MAGI1: variants seen among roughly 807,000 people sequenced by gnomAD.
MAGI1 encodes membrane associated guanylate kinase, WW and PDZ domain containing 1.
In MAGI1, 58 loss-of-function variants were observed where a neutral mutation model predicts 139.9. That is an observed-to-expected ratio of 0.41 (90% CI 0.34 to 0.52). MAGI1 has a LOEUF of 0.52. Among genes scored for constraint, MAGI1 ranks in the 20% least tolerant of loss-of-function variants. MAGI1 has a pLI of 0.12. For missense variants in MAGI1, 1,874 were observed against 1,901.6 expected, an observed-to-expected ratio of 0.99 and a Z score of 0.27; for synonymous variants, 812 against 737.9, an observed-to-expected ratio of 1.10 and a Z score of -1.63.
intron 2 of MAGI1, among the ~76,000 whole-genome samples, chr3:65,543,711 T>G (rs1039271183): frequency 6.6e-6 from 1 of 150,804 alleles, no homozygotes. Flanking sequence ...TGAGAATACA[T>G]GGACACAGAG....
intron 1 of MAGI1, among the ~76,000 whole-genome samples, chr3:65,631,307 T>C (rs1272389791): frequency 2.6e-5 from 4 of 152,236 alleles, no homozygotes; most frequent in Admixed American, 2.6e-4. Context: ...CTATTAGGTA[T>C]CTTTTAAGTG....
intron 5 of MAGI1, among the ~76,000 whole-genome samples, chr3:65,469,312 ATTT>A (rs1242755531): frequency 6.6e-6 from 1 of 152,008 alleles, no homozygotes. Context: ...AATCTGTGGT[ATTT>A]TTTTTAAATT....
At chr3:65,652,578 T>C (rs1034285568) in intron 1 of MAGI1, among the ~76,000 whole-genome samples, 1 of 152,220 alleles carries the variant, frequency 6.6e-6, no homozygotes, top group Non-Finnish European at 1.5e-5. Flanking sequence ...TGAGAGCTAC[T>C]GCTTTAACTT....
intron 2 of MAGI1, among the ~76,000 whole-genome samples, chr3:65,621,714 A>G (rs2222583): frequency 0.031 from 4,665 of 152,278 alleles, 101 homozygotes; most frequent in Middle Eastern, 0.075. Flanking sequence ...AGTATTACTA[A>G]CACGTCCTTT....
At chr3:65,957,718 C>G (rs2064204776) in intron 1 of MAGI1, among the ~76,000 whole-genome samples, 1 of 151,884 alleles carries the variant, frequency 6.6e-6, no homozygotes, top group African/African-American at 2.4e-5. Context: ...GCGAGCCTAC[C>G]CGGGGGCTTC....
At chr3:65,509,230 A>G (rs1447906549) in intron 2 of MAGI1, among the ~76,000 whole-genome samples, 4 of 152,216 alleles carry the variant, frequency 2.6e-5, no homozygotes, top group South Asian at 2.1e-4. Flanking sequence ...ATGAAGCAGT[A>G]GGGAAATCCA....
intron 3 of MAGI1, among the ~76,000 whole-genome samples, chr3:65,485,924 C>A (rs1951598538): frequency 6.6e-6 from 1 of 152,148 alleles, no homozygotes; most frequent in Non-Finnish European, 1.5e-5. Context: ...CAGCTCCCCC[C>A]ATCTTCATAA....
chr3:65,619,477 T>A (rs2083554761), intron 2 of MAGI1, among the ~76,000 whole-genome samples: 1 of 152,176 alleles, frequency 6.6e-6, no homozygotes, highest in Non-Finnish European at 1.5e-5. Flanking sequence ...CAAGCACCTG[T>A]TCATGAGGTC....
intron 12 of MAGI1, among the ~76,000 whole-genome samples, chr3:65,416,210 C>T (rs1440074517): frequency 1.3e-5 from 2 of 152,164 alleles, no homozygotes; most frequent in Non-Finnish European, 2.9e-5. Context: ...CTTTTGCATA[C>T]CGATTGCAAA....
chr3:65,379,543 C>T lies in MAGI1; in HGVS notation c.2713G>A (p.Glu905Lys). ...GAGGCTGGCGAGGGCACCTCGTTCT[C>T]GGTTTTGGGCACTGTAGCAGAGAGA... ...RKVVFAVPKT[E>K]NEVPSPASSH... The change falls in exon 17 of 23, where the codon GAG becomes AAG. Residue 905 changes from glutamate (E) to lysine (K), a missense_variant. Around this residue, in one of 5 missense-constraint regions of MAGI1, gnomAD observed 482 missense variants for 509.6 expected, o/e 0.95. Transcript: ENST00000402939. The T allele has an allele frequency of 2.5e-6, 4 of 1,608,774 alleles. No individual in the cohort carries two copies. The highest frequency in any genetic ancestry group is 3.4e-6 in the Non-Finnish European group (4 of 1,175,796).
chr3:65,624,720 G>A (rs1234833202), intron 1 of MAGI1, among the ~76,000 whole-genome samples: 1 of 152,126 alleles, frequency 6.6e-6, no homozygotes, highest in South Asian at 2.1e-4. Context: ...TGAGAAAACA[G>A]GGTGAAGGAC....
intron 2 of MAGI1, among the ~76,000 whole-genome samples, chr3:65,601,593 G>C (rs556682559): frequency 1.3e-5 from 2 of 152,090 alleles, no homozygotes; most frequent in East Asian, 3.9e-4. Flanking sequence ...AAAGAATGAA[G>C]TTGGACCCCC....
chr3:66,020,726 C>T (rs552667518), intron 1 of MAGI1, among the ~76,000 whole-genome samples: 61 of 152,202 alleles, frequency 4.0e-4, no homozygotes, highest in South Asian at 8.3e-4. Context: ...TCAAGTGATA[C>T]AACAGTTTAA....
At chr3:65,527,432 T>C (rs1197238154) in intron 2 of MAGI1, among the ~76,000 whole-genome samples, 5 of 151,938 alleles carry the variant, frequency 3.3e-5, no homozygotes, top group Non-Finnish European at 7.4e-5. Flanking sequence ...ATATAAAACT[T>C]AGCCAGGAGT....
At chr3:65,777,252 T>C (rs2038524630) in intron 1 of MAGI1, among the ~76,000 whole-genome samples, 1 of 152,184 alleles carries the variant, frequency 6.6e-6, no homozygotes, top group Non-Finnish European at 1.5e-5. Flanking sequence ...TTAGCCTCTC[T>C]GGGCTTCAGT....
intron 20 of MAGI1, among the ~76,000 whole-genome samples, chr3:65,363,812 G>C (rs1409560622): frequency 2.0e-5 from 3 of 152,126 alleles, no homozygotes; most frequent in Non-Finnish European, 4.4e-5. Flanking sequence ...ATGCATCTGT[G>C]TATTTATTAT....
intron 1 of MAGI1, among the ~76,000 whole-genome samples, chr3:65,908,204 A>G (rs934935083): frequency 1.3e-5 from 2 of 152,204 alleles, no homozygotes; most frequent in African/African-American, 4.8e-5. Context: ...ATTCAAAGGT[A>G]GTATACGCAG....
At chr3:65,760,560 A>C (rs183137316) in intron 1 of MAGI1, among the ~76,000 whole-genome samples, 15 of 152,152 alleles carry the variant, frequency 9.9e-5, no homozygotes, top group Non-Finnish European at 1.9e-4. Context: ...GGCACACACC[A>C]CTACGCCCAA....
intron 1 of MAGI1, among the ~76,000 whole-genome samples, chr3:65,795,832 C>T (rs927192491): frequency 1.3e-4 from 19 of 151,746 alleles, no homozygotes; most frequent in Non-Finnish European, 2.9e-5. Flanking sequence ...AGGTGGATCA[C>T]CTGAGGTCAG....
Sources: gnomAD v4.1 joint callset for allele counts (sites outside exome capture counted in the v4.1 genomes callset) on GRCh38, gnomAD v4.1.1 for gene constraint, gnomAD v4.1.1 regional missense constraint, MANE v1.5 for transcripts, NCBI Gene and HGNC (gene_info 2026-07-23, HGNC 2026-07-21) for gene names.